LPAR1: variants seen among roughly 807,000 people sequenced by gnomAD.
The protein encoded by LPAR1 is LPA receptor 1.
A neutral mutation model predicts 23.8 loss-of-function variants in LPAR1; 5 were observed. The observed-to-expected ratio is 0.21, with a 90% CI of 0.11 to 0.44. The LOEUF (loss-of-function observed/expected upper bound fraction) is 0.44, where lower values mean the gene tolerates loss of function less well. Ranked by LOEUF, LPAR1 falls within the 20% of genes least tolerant of loss-of-function variation. LPAR1 has a pLI of 0.99. For missense variants in LPAR1, 311 were observed against 482.8 expected, an observed-to-expected ratio of 0.64 and a Z score of 3.33; for synonymous variants, 160 against 164.7, an observed-to-expected ratio of 0.97 and a Z score of 0.22.
At chr9:110,952,624 A>G (rs2095604646) in intron 4 of LPAR1, among the ~76,000 whole-genome samples, 1 of 152,062 alleles carries the variant, frequency 6.6e-6, no homozygotes, top group South Asian at 2.1e-4. Context: ...AGGAAAGGCT[A>G]CTCTGCTTAT....
At chr9:111,013,481 C>A (rs1186334510) in intron 2 of LPAR1, among the ~76,000 whole-genome samples, 1 of 152,152 alleles carries the variant, frequency 6.6e-6, no homozygotes, top group Non-Finnish European at 1.5e-5. Flanking sequence ...GTGGTAGAGA[C>A]AAATCAGTGA....
chr9:111,036,390 AAAAG>A (rs1240975700), intron 1 of LPAR1, among the ~76,000 whole-genome samples, 189 bp from the exon 2 acceptor site: 2 of 152,028 alleles, frequency 1.3e-5, no homozygotes, highest in Non-Finnish European at 1.5e-5. Flanking sequence ...AAAAAAAAAA[AAAAG>A]AGGAAATGAG....
chr9:110,984,171 CCT>C (rs954584581), intron 2 of LPAR1, among the ~76,000 whole-genome samples: 16 of 151,890 alleles, frequency 1.1e-4, no homozygotes, highest in East Asian at 5.8e-4. Context: ...ATAAATTTAC[CCT>C]GTTATGCTAC....
chr9:110,886,673 C>A (rs1343783108), intron 5 of LPAR1, among the ~76,000 whole-genome samples: 1 of 152,110 alleles, frequency 6.6e-6, no homozygotes, highest in African/African-American at 2.4e-5. Flanking sequence ...GAGACCCAAT[C>A]AAAAACAATG....
chr9:110,965,735 C>G (rs188102137), intron 4 of LPAR1, among the ~76,000 whole-genome samples: 1 of 152,160 alleles, frequency 6.6e-6, no homozygotes, highest in African/African-American at 2.4e-5. Flanking sequence ...GGATGTAGAA[C>G]CAGAAATACC....
Position 110,941,753 on chromosome 9 carries a change from T to C in LPAR1, c.461A>G (p.Gln154Arg). 6.2e-7 allele frequency: 1 copy of C among 1,614,162 alleles called. No individual in the cohort carries two copies. Among genetic ancestry groups the C allele is most frequent in the South Asian group, 1.1e-5 (1 of 91,080 alleles). ...IERHITVFRM[Q>R]LHTRMSNRRV... ...CCGGTTGCTCATCCGTGTGTGGAGC[T>C]GCATGCGGAAAACCGTAATGTGCCT... The change falls in exon 5 of 6, where the codon CAG (glutamine) becomes CGG (arginine). Residue 154 changes from glutamine (Q) to arginine (R), a missense_variant. Physicochemically the swap from Gln to Arg is conservative, Grantham distance 43 (BLOSUM62 1). Around this residue, in one of 2 missense-constraint regions of LPAR1, gnomAD observed 250 missense variants for 427.2 expected, o/e 0.59. Coordinates refer to ENST00000683809, the MANE Select transcript of LPAR1 (RefSeq NM_001351411.2). The surrounding 1 kb of genome is among the most constrained non-coding windows in gnomAD (Gnocchi z 6.1).
chr9:110,892,866 CAT>C (rs879657038), intron 5 of LPAR1, among the ~76,000 whole-genome samples: 8,680 of 100,416 alleles, frequency 0.086, 1,017 homozygotes, highest in Admixed American at 0.14. Context: ...GGCAGGCAGG[CAT>C]GCAGGCAGGC....
At chr9:110,935,466 C>T (rs1198036778) in intron 5 of LPAR1, among the ~76,000 whole-genome samples, 1 of 151,462 alleles carries the variant, frequency 6.6e-6, no homozygotes, top group Non-Finnish European at 1.5e-5. Context: ...GTGTTGAGAG[C>T]TGCATTTGAA....
intron 2 of LPAR1, among the ~76,000 whole-genome samples, chr9:111,010,402 T>A (rs139443173): frequency 4.9e-4 from 75 of 152,144 alleles, no homozygotes; most frequent in African/African-American, 1.7e-3. Flanking sequence ...ACATCTGGCC[T>A]CAATTTTGAT....
chr9:111,028,618 CTTTTT>C (rs57371925), intron 2 of LPAR1, among the ~76,000 whole-genome samples: 14 of 146,040 alleles, frequency 9.6e-5, no homozygotes, highest in African/African-American at 3.5e-4. Flanking sequence ...TAGAAAAAGA[CTTTTT>C]TTTTTTTTTA....
intron 5 of LPAR1, among the ~76,000 whole-genome samples, chr9:110,933,281 C>T (rs1449331648): frequency 6.6e-6 from 1 of 152,020 alleles, no homozygotes; most frequent in South Asian, 2.1e-4. Context: ...TATACGTGGA[C>T]TTGGTGTGTA....
chr9:110,970,597 A>G (rs563909734), intron 4 of LPAR1, among the ~76,000 whole-genome samples: 1 of 152,154 alleles, frequency 6.6e-6, no homozygotes, highest in East Asian at 1.9e-4. Context: ...GATAACAATG[A>G]TGACATCCCA....
intron 5 of LPAR1, among the ~76,000 whole-genome samples, chr9:110,892,716 A>T (rs2084679641): frequency 7.1e-6 from 1 of 140,756 alleles, no homozygotes; most frequent in South Asian, 2.6e-4. Context: ...AGGAAGGGAA[A>T]GGGGAAGGGA....
intron 4 of LPAR1, 37 bp from the exon 5 acceptor site, chr9:110,942,205 G>A (rs1405852570): frequency 2.0e-5 from 31 of 1,557,294 alleles, no homozygotes; most frequent in Non-Finnish European, 2.7e-5. Flanking sequence ...GAAAAAGAAG[G>A]CACAGGTCCA....
At chr9:111,036,973 C>A (rs2097907643) in intron 1 of LPAR1, among the ~76,000 whole-genome samples, 2 of 152,156 alleles carry the variant, frequency 1.3e-5, no homozygotes, top group African/African-American at 4.8e-5. Context: ...AATAACCATA[C>A]CTCTAAAATA....
In LPAR1 at chr9:110,952,889, G is replaced by T. The variant is rs1363839380; in HGVS notation, c.46-10721C>A. 2.0e-5 allele frequency among the ~76,000 whole-genome samples: 3 copies of T among 152,036 alleles called. No individual in the cohort carries two copies. The East Asian group carries it at 5.8e-4, about 29-fold the overall frequency. On this transcript the variant is annotated intron_variant, in intron 4 of 5. Coordinates refer to ENST00000683809, the MANE Select transcript of LPAR1 (RefSeq NM_001351411.2). ...CCAGTGCTCAAGCATGCCATCCAGG[G>T]GCCTTGGGATCACCCTGCCCCAACC...
chr9:111,029,885 T>C (rs140554066), intron 2 of LPAR1, among the ~76,000 whole-genome samples: 3 of 151,464 alleles, frequency 2.0e-5, no homozygotes, highest in Admixed American at 2.0e-4. Flanking sequence ...ACCCCATCTC[T>C]ACCAAAAAAT....
chr9:110,920,878 T>C (rs1304876778), intron 5 of LPAR1, among the ~76,000 whole-genome samples: 1 of 152,166 alleles, frequency 6.6e-6, no homozygotes, highest in Non-Finnish European at 1.5e-5. Flanking sequence ...TTCTCAGCAC[T>C]TTGGGAGACT....
intron 2 of LPAR1, among the ~76,000 whole-genome samples, chr9:111,033,164 C>A (rs1392826416): frequency 4.6e-5 from 7 of 152,180 alleles, no homozygotes; most frequent in African/African-American, 1.7e-4. Context: ...TACAATTTTA[C>A]ATGGACTTCA....
Sources: gnomAD v4.1 joint callset for allele counts (sites outside exome capture counted in the v4.1 genomes callset) on GRCh38, gnomAD v4.1.1 for gene constraint, gnomAD v4.1.1 regional missense constraint, Gnocchi (gnomAD v3.1) non-coding constraint, MANE v1.5 for transcripts, NCBI Gene and HGNC (gene_info 2026-07-23, HGNC 2026-07-21) for gene names.